Variants in RPL28 observed in about 807,000 individuals in gnomAD.
The protein encoded by RPL28 is ribosomal protein L28.
RPL28 carries 4 observed loss-of-function variants against 12.5 expected under a neutral mutation model. That is an observed-to-expected ratio of 0.32 (90% CI 0.16 to 0.73). The LOEUF (loss-of-function observed/expected upper bound fraction) is 0.73, where lower values mean the gene tolerates loss of function less well. Among genes scored for constraint, RPL28 ranks in the 30% least tolerant of loss-of-function variants. The probability of loss-of-function intolerance (pLI) is 0.66; values close to 1 mark genes in which losing one functional copy is unlikely to be tolerated. For missense variants in RPL28, 214 were observed against 197.7 expected, an observed-to-expected ratio of 1.08 and a Z score of -0.49; for synonymous variants, 91 against 72.5, an observed-to-expected ratio of 1.26 and a Z score of -1.30.
At chr19:55,398,637 A>G (rs962501640) in intron 4 of RPL28, among the ~76,000 whole-genome samples, 4 of 151,928 alleles carry the variant, frequency 2.6e-5, no homozygotes, top group South Asian at 2.1e-4. Context: ...GTTTTTGCCA[A>G]TTTTTCATGT....
rs139718167 is a variant in RPL28 at position 55,391,948 on chromosome 19, C to A, written c.*3616C>A. On this transcript the variant is annotated 3_prime_UTR_variant, in exon 5 of 5. Coordinates refer to ENST00000344063, the MANE Select transcript of RPL28 (RefSeq NM_000991.5). Reference sequence around the variant, plus strand: ...CTGTGGGGCTGTGAGCTTTCCCAGCCTCCTGCCCGTGTTTGTGAATATCAT... The same window carrying A: ...CTGTGGGGCTGTGAGCTTTCCCAGCATCCTGCCCGTGTTTGTGAATATCAT... 8.1e-7 allele frequency: 1 copy of A among 1,240,862 alleles called. No homozygotes were observed. The allele number at this position is 1,240,862 out of a possible 1,614,324, so 76.9% of individuals were successfully genotyped here. A position where few individuals can be genotyped will look rare whatever the true frequency, so the allele number is the denominator to read the frequency against.
intron 4 of RPL28, among the ~76,000 whole-genome samples, chr19:55,397,706 T>C (rs1192529653): frequency 6.6e-6 from 1 of 150,752 alleles, no homozygotes; most frequent in Non-Finnish European, 1.5e-5. Context: ...CTGTTGTGTA[T>C]GTCCAAGTAC....
Position 55,390,122 on chromosome 19 carries a change from G to GTA in RPL28, c.*1791_*1792insAT. 11 of 985,496 alleles carry GTA rather than the reference G, an allele frequency of 1.1e-5. No individual in the cohort carries two copies. Among genetic ancestry groups the GTA allele is most frequent in the Non-Finnish European group, 1.3e-5 (11 of 829,968 alleles). 61.0% of individuals were successfully genotyped at this position (985,496 alleles called of 1,614,324 possible). On this transcript the variant is annotated 3_prime_UTR_variant, in exon 5 of 5. Coordinates refer to ENST00000344063, the MANE Select transcript of RPL28 (RefSeq NM_000991.5). ...TCTTGTGCTGGTGGGCAAGGGGTTTGTCTAGCACACCAGCATATAATGAGA... is the reference window on the plus strand; with the variant it reads ...TCTTGTGCTGGTGGGCAAGGGGTTTGTATCTAGCACACCAGCATATAATGAGA...
chr19:55,386,421 A>G lies in RPL28; in HGVS notation c.64A>G (p.Lys22Glu), dbSNP rs1802431514. 1.9e-6 allele frequency: 3 copies of G among 1,614,004 alleles called. No individual in the cohort carries two copies. Among genetic ancestry groups the G allele is most frequent in the Non-Finnish European group, 2.5e-6 (3 of 1,180,012 alleles). Residue 22 changes from lysine (K) to glutamate (E), a missense_variant, in exon 2 of 5, where the codon AAG becomes GAG. Coordinates refer to ENST00000344063, the MANE Select transcript of RPL28 (RefSeq NM_000991.5). ...CTCCAGTTTCCTGATCAAGAGGAAT[A>G]AGCAGACCTACAGCACTGTAAGTGG... ...NCSSFLIKRN[K>E]QTYSTEPNNL... is the part of the protein sequence containing the mutation.
chr19:55,387,286 G>A (rs967623239), intron 3 of RPL28: 1 of 1,551,686 alleles, frequency 6.4e-7, no homozygotes, highest in Non-Finnish European at 8.7e-7. Flanking sequence ...TCTTTTTAGA[G>A]TGAGTTTTTC....
In RPL28 at chr19:55,391,061, G is replaced by A. The variant is rs1459772478; in HGVS notation, c.*2729G>A. 8.8e-6 allele frequency: 6 copies of A among 684,432 alleles called. No homozygotes were observed. The highest frequency in any genetic ancestry group is 2.0e-5 in the African/African-American group (1 of 51,208). 42.4% of individuals were successfully genotyped at this position (684,432 alleles called of 1,614,324 possible). On this transcript the variant is annotated 3_prime_UTR_variant, in exon 5 of 5. Coordinates refer to ENST00000344063, the MANE Select transcript of RPL28 (RefSeq NM_000991.5). ...AAAATTGGGAGAACAAAAGAAAAGC[G>A]TCTTGTCACATACAGAAGGTCCCTG...
rs1235874031 is a variant in RPL28, at chr19:55,391,021, C to T, written c.*2689C>T. 9 of 943,464 alleles carry T rather than the reference C, an allele frequency of 9.5e-6. No individual in the cohort carries two copies. In the South Asian group the frequency reaches 4.4e-4, roughly 46 times the overall value. The allele number at this position is 943,464 out of a possible 1,614,324, so 58.4% of individuals were successfully genotyped here. A position where few individuals can be genotyped will look rare whatever the true frequency, so the allele number is the denominator to read the frequency against. Reference sequence around the variant, plus strand: ...AGGCAGGCTCACCATAGTAAAAATGCTGAAAGCCAAAGACAAAATTGGGAG... The same window carrying T: ...AGGCAGGCTCACCATAGTAAAAATGTTGAAAGCCAAAGACAAAATTGGGAG... On this transcript the variant is annotated 3_prime_UTR_variant, in exon 5 of 5. Transcript: ENST00000344063.
At chr19:55,386,815 G>T in intron 3 of RPL28, 122 bp downstream of exon 3, 2 of 1,596,822 alleles carry the variant, frequency 1.3e-6, no homozygotes, top group Middle Eastern at 1.7e-4. Flanking sequence ...TGGCGCCAGG[G>T]TGTTGGTCTG....
At chr19:55,399,751 C>T (rs1353855829) in intron 4 of RPL28, 1 of 152,180 alleles carries the variant, frequency 6.6e-6, no homozygotes, top group Non-Finnish European at 1.5e-5. Context: ...GGGCTAAGGG[C>T]AAATATTATT....
chr19:55,395,593 A>G (rs190285317), downstream of RPL28, among the ~76,000 whole-genome samples: 1,637 of 151,562 alleles, frequency 0.011, 13 homozygotes, highest in South Asian at 0.024. Context: ...ACAGGCGCCC[A>G]CCACCACACC....
chr19:55,389,803 T>G lies in RPL28; in HGVS notation c.*1471T>G. The G allele has an allele frequency of 1.0e-6, 1 of 984,752 alleles. No homozygotes were observed. Among genetic ancestry groups the G allele is most frequent in the Non-Finnish European group, 1.2e-6 (1 of 829,360 alleles). 61.0% of individuals were successfully genotyped at this position (984,752 alleles called of 1,614,324 possible). ...CTTAAAACTGAGTTGGGTGACTTGGTACCTGCTCAGGACCCCCCGCACTGT... is the reference window on the plus strand; with the variant it reads ...CTTAAAACTGAGTTGGGTGACTTGGGACCTGCTCAGGACCCCCCGCACTGT... On this transcript the variant is annotated 3_prime_UTR_variant, in exon 5 of 5. Transcript: ENST00000344063.
Position 55,391,613 on chromosome 19 carries a change from A to T in RPL28, c.*3281A>T, listed in dbSNP as rs1257821032. The stretch of plus-strand genomic sequence containing the variant: ...GCTCGGTGGCTGTGCAACCTTGGGC[A>T]AGTTCCTCAACCTCTCTGTGTCTTC... On this transcript the variant is annotated 3_prime_UTR_variant, in exon 5 of 5. Transcript: ENST00000344063. 1.9e-6 allele frequency: 3 copies of T among 1,548,120 alleles called. No homozygotes were observed. Among genetic ancestry groups the T allele is most frequent in the Non-Finnish European group, 2.6e-6 (3 of 1,143,810 alleles).
At chr19:55,398,786 C>T (rs1040712869) in intron 4 of RPL28, among the ~76,000 whole-genome samples, 2 of 151,004 alleles carry the variant, frequency 1.3e-5, no homozygotes, top group African/African-American at 4.9e-5. Flanking sequence ...ACTGCAGTCT[C>T]TGCCTCCTGG....
At chr19:55,387,884 G>T in intron 3 of RPL28, 46 bp from the exon 4 acceptor site, 1 of 1,518,752 alleles carries the variant, frequency 6.6e-7, no homozygotes, top group Non-Finnish European at 8.8e-7. Flanking sequence ...TGCTAAAGGT[G>T]CAGGTTAGGT....
chr19:55,390,830 C>A lies in RPL28; in HGVS notation c.*2498C>A. On this transcript the variant is annotated 3_prime_UTR_variant, in exon 5 of 5. Coordinates refer to ENST00000344063, the MANE Select transcript of RPL28 (RefSeq NM_000991.5). ...TCAGCCCCACAGAGTTTGGAGTCCT[C>A]AGTGTGCTGAGCAAACGTGGAGACA... 1 of 985,456 alleles carries A rather than the reference C, an allele frequency of 1.0e-6. No individual in the cohort carries two copies. Among genetic ancestry groups the A allele is most frequent in the Non-Finnish European group, 1.2e-6 (1 of 829,930 alleles). 61.0% of individuals were successfully genotyped at this position (985,456 alleles called of 1,614,324 possible).
At chr19:55,395,985 C>G (rs1034925994), downstream of RPL28, among the ~76,000 whole-genome samples, 1 of 152,020 alleles carries the variant, frequency 6.6e-6, no homozygotes, top group Non-Finnish European at 1.5e-5. Context: ...TTTGACTTAA[C>G]AGTAACCTTT....
At chr19:55,387,422 C>A in intron 3 of RPL28, 2 of 1,539,614 alleles carry the variant, frequency 1.3e-6, no homozygotes, top group South Asian at 2.4e-5. Flanking sequence ...CAGCCAATTG[C>A]TTGGCACTTG....
intron 3 of RPL28, chr19:55,387,438 C>T: frequency 6.5e-7 from 1 of 1,528,716 alleles, no homozygotes; most frequent in South Asian, 1.2e-5. Flanking sequence ...ACTTGGGGAC[C>T]CCGTTCTGGG....
At position 55,391,622 on chromosome 19, in the gene RPL28, A is replaced by G; in HGVS notation, c.*3290A>G. 4 of 1,547,158 alleles carry G rather than the reference A, an allele frequency of 2.6e-6. No individual in the cohort carries two copies. Among genetic ancestry groups the G allele is most frequent in the Non-Finnish European group, 3.5e-6 (4 of 1,142,932 alleles). ...CTGTGCAACCTTGGGCAAGTTCCTCAACCTCTCTGTGTCTTCGTACCCTCA... is the reference window on the plus strand; with the variant it reads ...CTGTGCAACCTTGGGCAAGTTCCTCGACCTCTCTGTGTCTTCGTACCCTCA... On this transcript the variant is annotated 3_prime_UTR_variant, in exon 5 of 5. Coordinates refer to ENST00000344063, the MANE Select transcript of RPL28 (RefSeq NM_000991.5).
Sources: gnomAD v4.1 joint callset for allele counts (sites outside exome capture counted in the v4.1 genomes callset) on GRCh38, gnomAD v4.1.1 for gene constraint, MANE v1.5 for transcripts, NCBI Gene and HGNC (gene_info 2026-07-23, HGNC 2026-07-21) for gene names.